Variants in ADAMTS19 observed in about 807,000 individuals in gnomAD.
ADAMTS19 encodes ADAM metallopeptidase with thrombospondin type 1 motif 19.
In ADAMTS19, 93 loss-of-function variants were observed where a neutral mutation model predicts 153.3. The ratio of observed to expected loss-of-function variants is 0.61; its 90% confidence interval spans 0.51 to 0.72. The LOEUF (loss-of-function observed/expected upper bound fraction) is 0.72, where lower values mean the gene tolerates loss of function less well. ADAMTS19 is among the 30% of genes least tolerant of loss of function. The pLI, the probability that ADAMTS19 is intolerant of heterozygous loss-of-function variation, is 0.00. For missense variants in ADAMTS19, 1,482 were observed against 1,552.1 expected (o/e 0.95, Z 0.76); for synonymous variants, 600 against 556.6 (o/e 1.08, Z -1.10).
chr5:129,547,929 A>G (rs1752922448), intron 6 of ADAMTS19, among the ~76,000 whole-genome samples: 1 of 150,850 alleles, frequency 6.6e-6, no homozygotes, highest in Non-Finnish European at 1.5e-5. Context: ...TGGGGAAAGG[A>G]TTTCCTATTT....
intron 15 of ADAMTS19, among the ~76,000 whole-genome samples, chr5:129,660,673 C>A (rs1398901535): frequency 6.6e-6 from 1 of 152,042 alleles, no homozygotes; most frequent in Non-Finnish European, 1.5e-5. Context: ...TTTTATTCCA[C>A]TTTAATTTCT....
intron 21 of ADAMTS19, among the ~76,000 whole-genome samples, chr5:129,710,045 A>G (rs246435): frequency 0.94 from 143,256 of 151,934 alleles, 67,648 homozygotes; most frequent in East Asian, 1. Context: ...TGTGTGCCAT[A>G]CTGGTTTGCC....
intron 16 of ADAMTS19, among the ~76,000 whole-genome samples, chr5:129,678,788 A>G (rs1425468135): frequency 6.6e-6 from 1 of 152,202 alleles, no homozygotes; most frequent in Non-Finnish European, 1.5e-5. Context: ...TTATTTAAAC[A>G]TTATTTACAA....
chr5:129,516,553 A>C (rs1262208259), intron 3 of ADAMTS19, among the ~76,000 whole-genome samples: 1 of 151,490 alleles, frequency 6.6e-6, no homozygotes, highest in Non-Finnish European at 1.5e-5. Flanking sequence ...GAATTTGTCC[A>C]TTTCTTCTAC....
At chr5:129,627,822 A>G (rs1752119015) in intron 10 of ADAMTS19, among the ~76,000 whole-genome samples, 1 of 152,130 alleles carries the variant, frequency 6.6e-6, no homozygotes, top group Non-Finnish European at 1.5e-5. Flanking sequence ...GAGAAAAGGG[A>G]AGACTTATAC....
chr5:129,615,312 C>T (rs997729647), intron 8 of ADAMTS19, among the ~76,000 whole-genome samples: 1 of 151,926 alleles, frequency 6.6e-6, no homozygotes, highest in African/African-American at 2.4e-5. Flanking sequence ...CTATGAAAAT[C>T]AGATTGATAT....
At chr5:129,594,720 T>C (rs1750293783) in intron 7 of ADAMTS19, among the ~76,000 whole-genome samples, 1 of 152,122 alleles carries the variant, frequency 6.6e-6, no homozygotes, top group African/African-American at 2.4e-5. Flanking sequence ...TTAAATCAAA[T>C]TTTAAAGTTT....
At chr5:129,502,707 A>C (rs1289646840) in intron 2 of ADAMTS19, among the ~76,000 whole-genome samples, 1 of 152,202 alleles carries the variant, frequency 6.6e-6, no homozygotes, top group Non-Finnish European at 1.5e-5. Context: ...ATGAAATCAC[A>C]GGTGGAGTGA....
At chr5:129,722,989 C>A (rs1757065798) in intron 21 of ADAMTS19, among the ~76,000 whole-genome samples, 1 of 152,144 alleles carries the variant, frequency 6.6e-6, no homozygotes, top group South Asian at 2.1e-4. Context: ...TTATTTCCTA[C>A]ACATTTTCAT....
chr5:129,466,484 T>TA (rs888582228), intron 2 of ADAMTS19, among the ~76,000 whole-genome samples: 1 of 151,420 alleles, frequency 6.6e-6, no homozygotes, highest in African/African-American at 2.4e-5. Flanking sequence ...CTGCTATCCA[T>TA]AAAAAAAAGG....
chr5:129,618,222 CTT>C (rs1329618152), intron 8 of ADAMTS19, among the ~76,000 whole-genome samples: 2 of 151,978 alleles, frequency 1.3e-5, no homozygotes, highest in South Asian at 2.1e-4. Flanking sequence ...TATTTTTCCT[CTT>C]TATCTTCAAA....
intron 10 of ADAMTS19, among the ~76,000 whole-genome samples, chr5:129,636,474 T>C (rs1397392855): frequency 6.6e-6 from 1 of 152,262 alleles, no homozygotes; most frequent in African/African-American, 2.4e-5. Context: ...TTTCTTTTAA[T>C]TTATTTTTAT....
At chr5:129,540,911 T>A (rs1370002541) in intron 6 of ADAMTS19, among the ~76,000 whole-genome samples, 1 of 152,100 alleles carries the variant, frequency 6.6e-6, no homozygotes, top group African/African-American at 2.4e-5. Context: ...GTGCACAGTC[T>A]ACATGAGCCA....
chr5:129,639,719 T>A (rs1278642555), intron 10 of ADAMTS19, among the ~76,000 whole-genome samples: 1 of 152,210 alleles, frequency 6.6e-6, no homozygotes, highest in Admixed American at 6.5e-5. Flanking sequence ...ATAAAATAAT[T>A]ATTGTTATGA....
chr5:129,489,082 A>C (rs72789081), intron 2 of ADAMTS19, among the ~76,000 whole-genome samples: 1 of 152,216 alleles, frequency 6.6e-6, no homozygotes, highest in Non-Finnish European at 1.5e-5. Flanking sequence ...ATTTAGCTAT[A>C]ATTTCCTGAG....
chr5:129,618,353 A>ATTT (rs982652364), intron 8 of ADAMTS19, among the ~76,000 whole-genome samples: 1 of 151,980 alleles, frequency 6.6e-6, no homozygotes, highest in Non-Finnish European at 1.5e-5. Context: ...TCACTGGTGA[A>ATTT]TTTTTCTAAC....
At chr5:129,731,595 A>G (rs1757446467) in intron 21 of ADAMTS19, among the ~76,000 whole-genome samples, 1 of 152,144 alleles carries the variant, frequency 6.6e-6, no homozygotes, top group Non-Finnish European at 1.5e-5. Context: ...AAATCATACA[A>G]TAGTACATTA....
chr5:129,465,311 T>G (rs1561526900), intron 2 of ADAMTS19, among the ~76,000 whole-genome samples: 3 of 147,944 alleles, frequency 2.0e-5, no homozygotes, highest in East Asian at 1.9e-4. Context: ...ACAATGTTTT[T>G]TTTTTTTTTT....
At chr5:129,519,648 G>GAAA (rs60640527) in intron 3 of ADAMTS19, among the ~76,000 whole-genome samples, 35 of 144,722 alleles carry the variant, frequency 2.4e-4, no homozygotes, top group African/African-American at 8.9e-4. Context: ...CATTTTATAG[G>GAAA]AAAAAAAAAA....
Sources: gnomAD v4.1 joint callset for allele counts (sites outside exome capture counted in the v4.1 genomes callset) on GRCh38, gnomAD v4.1.1 for gene constraint, MANE v1.5 for transcripts, NCBI Gene and HGNC (gene_info 2026-07-23, HGNC 2026-07-21) for gene names.